FUT8: variants seen among roughly 807,000 people sequenced by gnomAD.
FUT8 encodes alpha-(1,6)-fucosyltransferase.
FUT8 carries 29 observed loss-of-function variants against 71.3 expected under a neutral mutation model. That is an observed-to-expected ratio of 0.41 (90% CI 0.30 to 0.55). The LOEUF (loss-of-function observed/expected upper bound fraction) is 0.55, where lower values mean the gene tolerates loss of function less well. FUT8 is among the 20% of genes least tolerant of loss of function. The probability of loss-of-function intolerance (pLI) is 0.34; values close to 1 mark genes in which losing one functional copy is unlikely to be tolerated. For missense variants in FUT8, 544 were observed against 702.1 expected, an observed-to-expected ratio of 0.77 and a Z score of 2.55; for synonymous variants, 254 against 239.3, an observed-to-expected ratio of 1.06 and a Z score of -0.57.
intron 3 of FUT8, among the ~76,000 whole-genome samples, chr14:65,599,559 C>CT (rs1888190441): frequency 2.6e-5 from 4 of 152,188 alleles, no homozygotes; most frequent in Admixed American, 2.6e-4. Context: ...ATATAAAGGC[C>CT]TTACAGCTCT....
At chr14:65,542,662 T>C (rs1884744876) in intron 2 of FUT8, among the ~76,000 whole-genome samples, 1 of 152,250 alleles carries the variant, frequency 6.6e-6, no homozygotes, top group Admixed American at 6.5e-5. Context: ...ATCCCTACTA[T>C]TCTGTAGAAA....
At chr14:65,396,297 G>A in the FUT8 span, among the ~76,000 whole-genome samples, 2 of 152,138 alleles carry the variant, frequency 1.3e-5, no homozygotes, top group Non-Finnish European at 2.9e-5. This position sits in a 1 kb window ranked among gnomAD's most constrained non-coding sequence, Gnocchi z 5.5. Flanking sequence ...CCAACTTACT[G>A]TATTAGTCTG....
intron 6 of FUT8, among the ~76,000 whole-genome samples, chr14:65,629,890 T>C (rs1225018450): frequency 1.3e-5 from 2 of 151,788 alleles, no homozygotes; most frequent in Admixed American, 6.6e-5. Flanking sequence ...TTACATTTTA[T>C]AGGAGAGAAA....
chr14:65,630,969 A>G (rs1020117984), intron 6 of FUT8, among the ~76,000 whole-genome samples: 9 of 152,210 alleles, frequency 5.9e-5, no homozygotes, highest in Non-Finnish European at 1.2e-4. Flanking sequence ...GGTTCTGTAT[A>G]TTTTAAGGTG....
the FUT8 span, among the ~76,000 whole-genome samples, chr14:65,364,793 G>T: frequency 2.0e-5 from 3 of 152,186 alleles, no homozygotes; most frequent in African/African-American, 7.2e-5. Flanking sequence ...CTCCTAATAG[G>T]CCTAAGTCTT....
At chr14:65,539,414 C>T (rs1884542767) in intron 2 of FUT8, among the ~76,000 whole-genome samples, 1 of 152,152 alleles carries the variant, frequency 6.6e-6, no homozygotes, top group African/African-American at 2.4e-5. Context: ...GTTTTGTGAT[C>T]TTAGGCAAAT....
chr14:65,469,227 T>TA (rs1415112806), intron 2 of FUT8, among the ~76,000 whole-genome samples: 1 of 152,172 alleles, frequency 6.6e-6, no homozygotes, highest in African/African-American at 2.4e-5. Flanking sequence ...TAATTCCTGG[T>TA]AAAAATTTCT....
chr14:65,536,890 G>A (rs575333814), intron 2 of FUT8, among the ~76,000 whole-genome samples: 1 of 151,780 alleles, frequency 6.6e-6, no homozygotes, highest in East Asian at 1.9e-4. Context: ...ATGCCGATGA[G>A]TTGTAGATTT....
chr14:65,641,708 G>GTGTA (rs140383611), intron 6 of FUT8, among the ~76,000 whole-genome samples: 4,650 of 148,868 alleles, frequency 0.031, 180 homozygotes, highest in East Asian at 0.093. Flanking sequence ...AGCTATTTTA[G>GTGTA]TGTATGTGTA....
chr14:65,719,576 T>C (rs758816278), intron 7 of FUT8, among the ~76,000 whole-genome samples: 3 of 152,190 alleles, frequency 2.0e-5, no homozygotes, highest in South Asian at 2.1e-4. Flanking sequence ...CTGAACTCTT[T>C]TGTACCTGTC....
intron 2 of FUT8, among the ~76,000 whole-genome samples, chr14:65,471,702 T>G (rs1166268788): frequency 2.6e-5 from 4 of 152,074 alleles, no homozygotes. Flanking sequence ...CCCTCTGACC[T>G]CAATTCTCTG....
intron 2 of FUT8, among the ~76,000 whole-genome samples, chr14:65,522,169 A>C (rs1219293653): frequency 6.6e-6 from 1 of 152,142 alleles, no homozygotes; most frequent in Non-Finnish European, 1.5e-5. Flanking sequence ...ATCTAGAATC[A>C]GATTGCTTGG....
intron 3 of FUT8, among the ~76,000 whole-genome samples, chr14:65,588,213 G>A (rs910347889): frequency 5.9e-5 from 9 of 151,884 alleles, no homozygotes; most frequent in African/African-American, 2.2e-4. Flanking sequence ...CTATGCTCTA[G>A]CCATATAAAA....
intron 2 of FUT8, among the ~76,000 whole-genome samples, chr14:65,554,785 C>A (rs1032902791): frequency 1.3e-5 from 2 of 152,096 alleles, no homozygotes; most frequent in African/African-American, 4.8e-5. Context: ...CCATCCTTAG[C>A]TTTTAGCAGG....
chr14:65,536,707 A>G (rs1884335608), intron 2 of FUT8, among the ~76,000 whole-genome samples: 1 of 152,146 alleles, frequency 6.6e-6, no homozygotes, highest in African/African-American at 2.4e-5. Flanking sequence ...TTTCAGCCTC[A>G]TAGAATCTGA....
the FUT8 span, among the ~76,000 whole-genome samples, chr14:65,372,771 A>G: frequency 2.3e-4 from 35 of 151,960 alleles, no homozygotes; most frequent in African/African-American, 8.2e-4. Flanking sequence ...TTTTTCTCTT[A>G]TCTCTCTGAT....
chr14:65,600,448 A>G (rs184974804), intron 3 of FUT8, among the ~76,000 whole-genome samples: 1 of 152,320 alleles, frequency 6.6e-6, no homozygotes, highest in Non-Finnish European at 1.5e-5. Flanking sequence ...TAGTGCCCTC[A>G]CAGATTTGAA....
upstream of FUT8, chr14:65,412,183 T>G: frequency 2.2e-6 from 1 of 456,660 alleles, no homozygotes; most frequent in Non-Finnish European, 4.4e-6. Flanking sequence ...CAAGATAAAG[T>G]AGGGCTTCGC....
At chr14:65,568,359 C>CT (rs1224972700) in intron 3 of FUT8, among the ~76,000 whole-genome samples, 6 of 150,156 alleles carry the variant, frequency 4.0e-5, no homozygotes, top group South Asian at 2.1e-4. Context: ...AACCTCTGTG[C>CT]TTTTTTTTTC....
Sources: gnomAD v4.1 joint callset for allele counts (sites outside exome capture counted in the v4.1 genomes callset) on GRCh38, gnomAD v4.1.1 for gene constraint, Gnocchi (gnomAD v3.1) non-coding constraint, MANE v1.5 for transcripts, NCBI Gene and HGNC (gene_info 2026-07-23, HGNC 2026-07-21) for gene names.